Variants in PRH1 observed in about 807,000 individuals in gnomAD.
The protein encoded by PRH1 is proline rich protein HaeIII subfamily 1.
A neutral mutation model predicts 7.9 loss-of-function variants in PRH1; 7 were observed. That is an observed-to-expected ratio of 0.89 (90% CI 0.50 to 1.67). PRH1 has a LOEUF of 1.67. PRH1 is among the 40% of genes most tolerant of loss of function. The pLI, the probability that PRH1 is intolerant of heterozygous loss-of-function variation, is 0.00. For synonymous variants in PRH1, 45 were observed against 80.8 expected (o/e 0.56, Z 2.38); for missense variants, 109 against 223.6 (o/e 0.49, Z 3.27).
At chr12:11,065,552 A>C (rs888625714) in intron 1 of PRH1, among the ~76,000 whole-genome samples, 7 of 152,092 alleles carry the variant, frequency 4.6e-5, no homozygotes, top group African/African-American at 1.7e-4. Context: ...ATTCTTTCTT[A>C]TGTTTAACTG....
At chr12:11,001,592 G>C (rs1305410975) in intron 1 of PRH1, among the ~76,000 whole-genome samples, 1 of 152,066 alleles carries the variant, frequency 6.6e-6, no homozygotes, top group Non-Finnish European at 1.5e-5. Flanking sequence ...GTGCTTGTGG[G>C]AGAACCCAGA....
chr12:11,116,734 T>C (rs987959697), downstream of PRH1, among the ~76,000 whole-genome samples: 2 of 152,124 alleles, frequency 1.3e-5, no homozygotes, highest in African/African-American at 4.8e-5. Flanking sequence ...CATGAACAAG[T>C]GGGATTTATC....
In PRH1 at chr12:11,113,245, C is replaced by T. The variant is rs1216796307; in HGVS notation, n.123+58177G>A. Among the ~76,000 whole-genome samples, 5 of 152,138 alleles carry T rather than the reference C, an allele frequency of 3.3e-5. No homozygotes were observed. The East Asian group carries it at 7.7e-4, about 23-fold the overall frequency. ...ATTCACATGGAACCAAAAAAGAGCC[C>T]GTGTAGCCAAGACAATCCTAAGCAA... is the stretch of plus-strand genomic sequence containing the variant. On this transcript the variant is annotated intron_variant and non_coding_transcript_variant, in intron 1 of 4. Coordinates refer to the PRH1 transcript ENST00000541977.
chr12:10,904,478 C>T (rs1453993160), intron 2 of PRH1, among the ~76,000 whole-genome samples: 5 of 152,036 alleles, frequency 3.3e-5, no homozygotes, highest in Non-Finnish European at 7.4e-5. Flanking sequence ...TAGCCATAAG[C>T]AAAATAATTA....
At chr12:11,045,376 T>C (rs1942867359) in intron 1 of PRH1, among the ~76,000 whole-genome samples, 1 of 150,518 alleles carries the variant, frequency 6.6e-6, no homozygotes, top group Admixed American at 6.6e-5. Flanking sequence ...CACAGCAGGG[T>C]GACTATAATC....
chr12:10,984,531 A>G (rs1451158025), intron 1 of PRH1, among the ~76,000 whole-genome samples: 2 of 152,116 alleles, frequency 1.3e-5, no homozygotes, highest in Admixed American at 1.3e-4. Context: ...TTAAATACCT[A>G]TTCTATGTGT....
intron 1 of PRH1, chr12:10,986,025 A>G (rs1939599166): frequency 1.2e-6 from 2 of 1,613,888 alleles, no homozygotes; most frequent in Non-Finnish European, 1.7e-6. Flanking sequence ...TCTCCAAATT[A>G]GGATGAATGA....
intron 2 of PRH1, chr12:10,897,063 C>G (rs1046401710): frequency 6.6e-6 from 1 of 152,190 alleles, no homozygotes; most frequent in Non-Finnish European, 1.5e-5. Context: ...TGCAGGCCCT[C>G]TGGCTCATTA....
chr12:10,924,285 C>A (rs1208801830), intron 2 of PRH1, among the ~76,000 whole-genome samples: 1 of 152,124 alleles, frequency 6.6e-6, no homozygotes, highest in Non-Finnish European at 1.5e-5. Flanking sequence ...CGGAGCCCAG[C>A]CTCATTTCTC....
chr12:10,997,936 A>G, intron 1 of PRH1: 1 of 1,092,496 alleles, frequency 9.2e-7, no homozygotes, highest in African/African-American at 1.6e-5. Context: ...GACTCCTCTG[A>G]TATTCAAGAC....
At chr12:11,153,290 C>T (rs1051369316) in intron 1 of PRH1, among the ~76,000 whole-genome samples, 6 of 152,166 alleles carry the variant, frequency 3.9e-5, no homozygotes, top group South Asian at 4.1e-4. Context: ...AACATTCCTA[C>T]GACTGTCTTC....
chr12:11,055,536 G>C (rs113671932), intron 1 of PRH1, among the ~76,000 whole-genome samples: 3 of 149,534 alleles, frequency 2.0e-5, no homozygotes, highest in Admixed American at 6.7e-5. Flanking sequence ...GTTCAAGGCT[G>C]TCTTAATGGA....
intron 1 of PRH1, among the ~76,000 whole-genome samples, chr12:11,070,241 C>T (rs144922098): frequency 2.6e-5 from 4 of 152,260 alleles, no homozygotes; most frequent in Admixed American, 6.5e-5. Context: ...CTAAGGCATG[C>T]GTGTTAAGAG....
intron 1 of PRH1, among the ~76,000 whole-genome samples, chr12:11,076,423 GAC>G (rs1944293395): frequency 3.0e-5 from 4 of 131,782 alleles, no homozygotes; most frequent in African/African-American, 1.1e-4. Context: ...CTCTCTTTGG[GAC>G]TTTTTTTAAG....
At chr12:11,010,774 A>G (rs1016837993) in intron 1 of PRH1, among the ~76,000 whole-genome samples, 2 of 151,662 alleles carry the variant, frequency 1.3e-5, no homozygotes, top group African/African-American at 4.8e-5. Context: ...ATAATTCAGA[A>G]TGTATTTTTA....
At chr12:10,898,850 A>G (rs886151571) in intron 2 of PRH1, among the ~76,000 whole-genome samples, 1 of 152,224 alleles carries the variant, frequency 6.6e-6, no homozygotes, top group Non-Finnish European at 1.5e-5. Flanking sequence ...GTGTGCTAAC[A>G]TTGGATGTAC....
chr12:10,938,755 A>C, intron 2 of PRH1: 1 of 1,613,912 alleles, frequency 6.2e-7, no homozygotes, highest in Non-Finnish European at 8.5e-7. Flanking sequence ...TGGCATTTAT[A>C]TGGATGTTTA....
At chr12:10,895,544 T>C (rs1949632529) in intron 2 of PRH1, 1 of 152,136 alleles carries the variant, frequency 6.6e-6, no homozygotes. Context: ...ATTGGAGAAG[T>C]TGGCTACCTT....
At chr12:10,952,299 G>T (rs994959453) in intron 2 of PRH1, among the ~76,000 whole-genome samples, 2 of 152,096 alleles carry the variant, frequency 1.3e-5, no homozygotes, top group Admixed American at 1.3e-4. Flanking sequence ...ATTCATCAAA[G>T]AGCTTGCAAG....
Sources: allele counts gnomAD v4.1 joint callset (sites outside exome capture counted in the v4.1 genomes callset), GRCh38; gene constraint gnomAD v4.1.1; transcripts MANE v1.5; gene names NCBI Gene and HGNC (gene_info 2026-07-23, HGNC 2026-07-21).